Variants in CTTNBP2 observed in about 807,000 individuals in gnomAD.
CTTNBP2 encodes the protein cortactin binding protein 2.
In CTTNBP2, 108 loss-of-function variants were observed where a neutral mutation model predicts 156.9. The observed-to-expected ratio is 0.69, with a 90% CI of 0.59 to 0.81. The LOEUF (loss-of-function observed/expected upper bound fraction) is 0.81. CTTNBP2 is among the 30% of genes least tolerant of loss of function. CTTNBP2 has a pLI of 0.00. For missense variants in CTTNBP2, 1,924 were observed against 2,035.4 expected, an observed-to-expected ratio of 0.95 and a Z score of 1.05; for synonymous variants, 767 against 751.8, an observed-to-expected ratio of 1.02 and a Z score of -0.33.
At chr7:117,830,853 G>T (rs1444717674) in intron 2 of CTTNBP2, among the ~76,000 whole-genome samples, 3 of 152,158 alleles carry the variant, frequency 2.0e-5, no homozygotes, top group Admixed American at 2.0e-4. Context: ...GTTTCACAAG[G>T]TCATAACAAG....
chr7:117,791,991 G>C lies in CTTNBP2; in HGVS notation c.1205C>G (p.Pro402Arg), dbSNP rs759597285. 3.1e-6 allele frequency: 5 copies of C among 1,614,040 alleles called. No individual in the cohort carries two copies. Among genetic ancestry groups the C allele is most frequent in the South Asian group, 1.1e-5 (1 of 91,078 alleles). Residue 402 changes from proline to arginine, a missense_variant, in exon 4 of 23, where the codon CCC becomes CGC. Pro to Arg is a moderately radical substitution (Grantham distance 103). Transcript: ENST00000160373. Reference protein sequence around the residue: ...PDPTSSTPPLPSNAAPPTAQT... With the variant: ...PDPTSSTPPLRSNAAPPTAQT... The stretch of plus-strand genomic sequence containing the variant: ...AGCGGTGGGAGGGGCAGCGTTACTG[G>C]GAAGTGGGGGTGTGCTACTGGTTGG...
chr7:117,765,295 A>G (rs989194025), intron 9 of CTTNBP2, among the ~76,000 whole-genome samples: 1 of 152,222 alleles, frequency 6.6e-6, no homozygotes, highest in Non-Finnish European at 1.5e-5. Context: ...TTATGGAAGT[A>G]ATCATAATCT....
chr7:117,745,774 C>A, intron 14 of CTTNBP2, 57 bp downstream of exon 14: 1 of 1,123,172 alleles, frequency 8.9e-7, no homozygotes, highest in African/African-American at 1.5e-5. Flanking sequence ...CTCTTAATGG[C>A]ATAATTGAAG....
intron 2 of CTTNBP2, among the ~76,000 whole-genome samples, chr7:117,855,607 TC>T (rs1803255967): frequency 1.3e-5 from 2 of 151,992 alleles, no homozygotes; most frequent in South Asian, 4.2e-4. Context: ...GCAGGACAGC[TC>T]CCCCCAAACA....
At chr7:117,809,331 C>T (rs1800129508) in intron 3 of CTTNBP2, among the ~76,000 whole-genome samples, 1 of 152,072 alleles carries the variant, frequency 6.6e-6, no homozygotes. Context: ...TCAATGACAA[C>T]AAAGTGTTTT....
At chr7:117,841,070 G>C (rs1035408208) in intron 2 of CTTNBP2, among the ~76,000 whole-genome samples, 7 of 152,262 alleles carry the variant, frequency 4.6e-5, no homozygotes, top group Non-Finnish European at 7.4e-5. Flanking sequence ...CAATTAATGT[G>C]TTAACTTAAA....
At chr7:117,774,450 G>A (rs1797987734) in intron 8 of CTTNBP2, among the ~76,000 whole-genome samples, 1 of 152,142 alleles carries the variant, frequency 6.6e-6, no homozygotes, top group South Asian at 2.1e-4. Flanking sequence ...ACAGGAGGAG[G>A]TGAGTGGAGG....
chr7:117,762,674 G>A (rs759669650), intron 9 of CTTNBP2, among the ~76,000 whole-genome samples: 1 of 152,208 alleles, frequency 6.6e-6, no homozygotes, highest in Non-Finnish European at 1.5e-5. Flanking sequence ...CAGTGCTACT[G>A]TTAAAATGTG....
In CTTNBP2 at chr7:117,734,921, C is replaced by G. The variant is rs1795596313; in HGVS notation, c.3868G>C (p.Val1290Leu). ...CACTTGCTGTTTGTTACCTTATTCA[C>G]AACTTTCCTTCGTAAGAACCTCTGC... ...LLQRFLRRKV[V>L]NKFKGQAPSP... The change falls in exon 16 of 23, where the codon GTG becomes CTG. Residue 1290 changes from valine (V) to leucine (L), a missense_variant. Transcript: ENST00000160373. 1.9e-6 allele frequency: 3 copies of G among 1,591,406 alleles called. No homozygotes were observed. The East Asian group carries it at 6.8e-5, about 36-fold the overall frequency.
intron 11 of CTTNBP2, among the ~76,000 whole-genome samples, chr7:117,757,528 T>TAAAA (rs56687697): frequency 6.6e-5 from 6 of 91,430 alleles, no homozygotes; most frequent in African/African-American, 1.9e-4. Context: ...TTAAGCACAG[T>TAAAA]AAAAAAAAAA....
At chr7:117,757,832 GCAAA>G in intron 11 of CTTNBP2, 39 bp downstream of exon 11, 1 of 1,366,412 alleles carries the variant, frequency 7.3e-7, no homozygotes, top group Non-Finnish European at 1.0e-6. Context: ...CAGCCATGAA[GCAAA>G]CACTCTTTAA....
At chr7:117,859,121 C>T (rs979559282) in intron 2 of CTTNBP2, among the ~76,000 whole-genome samples, 1 of 152,136 alleles carries the variant, frequency 6.6e-6, no homozygotes, top group Non-Finnish European at 1.5e-5. Flanking sequence ...ACAGAACCTA[C>T]TTATACATGC....
chr7:117,819,365 TCTCACACACACACACA>T (rs1210697190), intron 2 of CTTNBP2, among the ~76,000 whole-genome samples: 4 of 136,842 alleles, frequency 2.9e-5, no homozygotes, highest in Non-Finnish European at 4.6e-5. Flanking sequence ...CTTCTCTCTC[TCTCACACACACACACA>T]CACACACACA....
At chr7:117,785,627 C>A (rs941381151) in intron 4 of CTTNBP2, among the ~76,000 whole-genome samples, 2 of 152,124 alleles carry the variant, frequency 1.3e-5, no homozygotes, top group Admixed American at 1.3e-4. Flanking sequence ...TCTATATGCA[C>A]AATACATCTC....
intron 2 of CTTNBP2, among the ~76,000 whole-genome samples, chr7:117,820,269 C>T (rs1800877325): frequency 6.6e-6 from 1 of 152,204 alleles, no homozygotes; most frequent in Non-Finnish European, 1.5e-5. Context: ...CTTATTAAGA[C>T]TCCAGACAGC....
chr7:117,740,281 T>TTTTTTTTTTTTTTTTTTTTTTTTTG (rs1795924919), intron 14 of CTTNBP2, among the ~76,000 whole-genome samples: 1 of 150,978 alleles, frequency 6.6e-6, no homozygotes, highest in Non-Finnish European at 1.5e-5. Context: ...TTTAGATTCT[T>TTTTTTTTTTTTTTTTTTTTTTTTTG]AAACCTAATT....
chr7:117,862,317 T>TG lies in CTTNBP2; in HGVS notation c.82-1002dup, dbSNP rs1247738451. ...CCAGAGCCCTAGGTGTGGGGTGGGG[T>TG]GGGGGGGCGGTGTGGTGGTTCATAA... On this transcript the variant is annotated intron_variant, in intron 1 of 22. Coordinates refer to ENST00000160373, the MANE Select transcript of CTTNBP2 (RefSeq NM_033427.3). Among the ~76,000 whole-genome samples, 14 of 58,840 alleles carry TG rather than the reference T, an allele frequency of 2.4e-4. No individual in the cohort carries two copies. The South Asian group carries it at 3.7e-3, about 16-fold the overall frequency. The allele number at this position is 58,840 out of a possible 152,430, so 38.6% of individuals were successfully genotyped here. A position where few individuals can be genotyped will look rare whatever the true frequency, so the allele number is the denominator to read the frequency against.
In CTTNBP2 at chr7:117,810,859, G is replaced by C; in HGVS notation, c.320C>G (p.Pro107Arg). The change falls in exon 3 of 23, where the codon CCC becomes CGC. Residue 107 changes from proline to arginine, a missense_variant. Physicochemically the swap from Pro to Arg is moderately radical, Grantham distance 103. Coordinates refer to ENST00000160373, the MANE Select transcript of CTTNBP2 (RefSeq NM_033427.3). ...CATGACTGCTTCAAGGATGGAGAGG[G>C]GGTTGGTACAAACTGGCTTCTTCTC... ...DKEKKPVCTN[P>R]LSILEAVMAH... The C allele has an allele frequency of 1.9e-6, 3 of 1,614,054 alleles. No individual in the cohort carries two copies. Among genetic ancestry groups the C allele is most frequent in the Non-Finnish European group, 2.5e-6 (3 of 1,179,994 alleles).
chr7:117,735,148 TGG>T, intron 15 of CTTNBP2, 48 bp from the exon 16 acceptor site: 1 of 1,594,228 alleles, frequency 6.3e-7, no homozygotes, highest in Non-Finnish European at 8.6e-7. Flanking sequence ...AGTTATGTTA[TGG>T]GACAGATTCA....
Sources: gnomAD v4.1 joint callset for allele counts (sites outside exome capture counted in the v4.1 genomes callset) on GRCh38, gnomAD v4.1.1 for gene constraint, MANE v1.5 for transcripts, NCBI Gene and HGNC (gene_info 2026-07-23, HGNC 2026-07-21) for gene names.